EXTL3: variants seen among roughly 807,000 people sequenced by gnomAD.
The protein encoded by EXTL3 is exostosin like glycosyltransferase 3, also known as exostosin-like 3.
In EXTL3, 27 loss-of-function variants were observed where a neutral mutation model predicts 69.3. The ratio of observed to expected loss-of-function variants is 0.39; its 90% CI spans 0.29 to 0.54. The LOEUF (loss-of-function observed/expected upper bound fraction) is 0.54. Among genes scored for constraint, EXTL3 ranks in the 20% least tolerant of loss-of-function variants. EXTL3 has a pLI of 0.69. For synonymous variants in EXTL3, 511 were observed against 499.4 expected (o/e 1.02, Z -0.31); for missense variants, 1,003 against 1,231.8 (o/e 0.81, Z 2.78).
At chr8:28,702,848 C>T (rs1288048708) in intron 1 of EXTL3, among the ~76,000 whole-genome samples, 1 of 152,094 alleles carries the variant, frequency 6.6e-6, no homozygotes, top group Non-Finnish European at 1.5e-5. Flanking sequence ...TTGTGTGTTG[C>T]AGCCATGCAG....
chr8:28,710,424 G>A (rs1563212307), intron 1 of EXTL3: 5 of 455,342 alleles, frequency 1.1e-5, no homozygotes, highest in Admixed American at 4.7e-5. Context: ...TGGGCAGGAA[G>A]TGTAAAATGC....
chr8:28,713,876 G>A (rs557742788), intron 2 of EXTL3, among the ~76,000 whole-genome samples: 1 of 147,614 alleles, frequency 6.8e-6, no homozygotes, highest in African/African-American at 2.5e-5. Flanking sequence ...GCTGTTAGCT[G>A]ATTCTAATAT....
Position 28,731,278 on chromosome 8 carries a change from TTGA to T in EXTL3, c.2205_2207del (p.Ile735_Glu736delinsMet). On this transcript the variant is annotated inframe_deletion, in exon 4 of 7. Transcript: ENST00000220562. ...AACCGATTCTTACCCTGGAATGAAA[TTGA>T]GACAGAGGCCATCCTGTCCATTGAT... 1 of 1,614,224 alleles carries T rather than the reference TTGA, an allele frequency of 6.2e-7. No individual in the cohort carries two copies.
chr8:28,713,203 C>T (rs189623075), intron 1 of EXTL3, among the ~76,000 whole-genome samples: 15 of 152,268 alleles, frequency 9.9e-5, no homozygotes, highest in African/African-American at 2.4e-4. Context: ...AAATAGGTAA[C>T]GTCTGTCTGG....
chr8:28,726,613 T>A (rs1014512512), intron 3 of EXTL3, among the ~76,000 whole-genome samples: 5 of 152,158 alleles, frequency 3.3e-5, no homozygotes, highest in African/African-American at 1.2e-4. Context: ...GGGGGCTGTC[T>A]TGTGCACTAT....
chr8:28,739,497 T>A (rs1435842195), intron 5 of EXTL3, among the ~76,000 whole-genome samples: 2 of 152,000 alleles, frequency 1.3e-5, no homozygotes, highest in Non-Finnish European at 2.9e-5. Flanking sequence ...TGGCTAATTT[T>A]TTTTGGTAAT....
chr8:28,710,613 CTTTTTT>C, intron 1 of EXTL3: 16 of 272,332 alleles, frequency 5.9e-5, no homozygotes, highest in Middle Eastern at 1.2e-3. Flanking sequence ...TTCTTTCTTT[CTTTTTT>C]TTTTTTTTTT....
intron 1 of EXTL3, among the ~76,000 whole-genome samples, chr8:28,626,403 G>A (rs1211784374): frequency 1.3e-5 from 2 of 152,154 alleles, no homozygotes; most frequent in African/African-American, 4.8e-5. Context: ...ACTTAGGAGG[G>A]TAGGAGGCAG....
Position 28,752,022 on chromosome 8 carries a change from AG to A in EXTL3, c.*1157del, listed in dbSNP as rs2130808788. 1 of 152,366 alleles carries A rather than the reference AG, an allele frequency of 6.6e-6. No homozygotes were observed. The highest frequency in any genetic ancestry group is 2.1e-4 in the South Asian group (1 of 4,820). 9.4% of individuals were successfully genotyped at this position (152,366 alleles called of 1,614,324 possible). ...TCACCTTCCCCCCGCCTCTGTCTGG[AG>A]CCCCATCCTGTGTTATCTGTGGTTT... On this transcript the variant is annotated 3_prime_UTR_variant, in exon 7 of 7. Coordinates refer to ENST00000220562, the MANE Select transcript of EXTL3 (RefSeq NM_001440.4).
At chr8:28,667,281 A>G (rs7837982) in intron 1 of EXTL3, among the ~76,000 whole-genome samples, 3,415 of 152,326 alleles carry the variant, frequency 0.022, 132 homozygotes, top group African/African-American at 0.078. Flanking sequence ...AAAGTAATGC[A>G]AGGAACTTGG....
rs747900653 is a variant in EXTL3, at chr8:28,717,532, C to T, written c.1473C>T (p.Thr491=). 1.1e-4 allele frequency: 171 copies of T among 1,614,210 alleles called. 1 individual carries two copies. The South Asian group carries it at 1.2e-3, about 11-fold the overall frequency. ...TGGTGGTGCCAAAGCCTCGTGTTAC[C>T]GAGGTTCATTTCCTGCTCAGAAGCC... is the stretch of plus-strand genomic sequence containing the variant. The part of the protein sequence containing the change: ...AALVVPKPRV[T]EVHFLLRSLS... The change falls in exon 3 of 7, where the codon ACC becomes ACT. Residue 491 remains threonine, a synonymous_variant. Transcript: ENST00000220562. This position sits in a 1 kb window ranked among gnomAD's most constrained non-coding sequence, Gnocchi z 8.3.
At position 28,717,101 on chromosome 8, in the gene EXTL3, G is replaced by A. The variant is rs746425652; in HGVS notation, c.1042G>A (p.Glu348Lys). 5 of 1,614,228 alleles carry A rather than the reference G, an allele frequency of 3.1e-6. No homozygotes were observed. Among genetic ancestry groups the A allele is most frequent in the East Asian group, 2.2e-5 (1 of 44,884 alleles). Reference sequence around the variant, plus strand: ...GAAATATCTCTTCACCTTCCAGGGCGAGAAGATTGAGTCTCTGAGGTCTAG... The same window carrying A: ...GAAATATCTCTTCACCTTCCAGGGCAAGAAGATTGAGTCTCTGAGGTCTAG... ...KRKYLFTFQG[E>K]KIESLRSSLQ... The change falls in exon 3 of 7, where the codon GAG becomes AAG. Residue 348 changes from glutamate to lysine, a missense_variant. Glu to Lys is a moderately conservative substitution (Grantham distance 56). This residue lies in a region of EXTL3 where 742 missense variants were observed against 815.4 expected (regional missense o/e 0.91). Transcript: ENST00000220562. The surrounding 1 kb of genome is among the most constrained non-coding windows in gnomAD (Gnocchi z 8.3).
intron 3 of EXTL3, among the ~76,000 whole-genome samples, chr8:28,728,168 G>A (rs558053918): frequency 1.1e-4 from 17 of 152,298 alleles, no homozygotes; most frequent in Non-Finnish European, 1.9e-4. Flanking sequence ...TCATTTCCAA[G>A]GCGGACCTTA....
chr8:28,747,048 T>C (rs1442432371), intron 6 of EXTL3, among the ~76,000 whole-genome samples: 1 of 152,182 alleles, frequency 6.6e-6, no homozygotes, highest in Admixed American at 6.5e-5. Flanking sequence ...ACAACAGTTA[T>C]AAAGTCACCT....
Position 28,717,808 on chromosome 8 carries a change from C to T in EXTL3, c.1749C>T (p.Pro583=). The T allele has an allele frequency of 6.2e-7, 1 of 1,612,534 alleles. No individual in the cohort carries two copies. Among genetic ancestry groups the T allele is most frequent in the Non-Finnish European group, 8.5e-7 (1 of 1,178,716 alleles). Residue 583 remains proline, a synonymous_variant, in exon 3 of 7, where the codon CCC becomes CCT. Coordinates refer to ENST00000220562, the MANE Select transcript of EXTL3 (RefSeq NM_001440.4). The surrounding 1 kb of genome is among the most constrained non-coding windows in gnomAD (Gnocchi z 8.3). Reference sequence around the variant, plus strand: ...TGGGGCCAGTGGAGACGGAGCCGCCCTACGCCTCACCCAGATACCTCCGCA... The same window carrying T: ...TGGGGCCAGTGGAGACGGAGCCGCCTTACGCCTCACCCAGATACCTCCGCA... The part of the protein sequence containing the change: ...LDLGPVETEP[P]YASPRYLRNF...
intron 5 of EXTL3, chr8:28,740,204 G>A (rs1371534296): frequency 6.6e-6 from 1 of 152,206 alleles, no homozygotes; most frequent in African/African-American, 2.4e-5. Context: ...GCGTCATGGC[G>A]GCTGCTCCTG....
At chr8:28,609,318 G>A (rs1224687438) in intron 2 of EXTL3, among the ~76,000 whole-genome samples, 1 of 151,990 alleles carries the variant, frequency 6.6e-6, no homozygotes, top group Non-Finnish European at 1.5e-5. Flanking sequence ...TTGATATGGT[G>A]CATATTTTTA....
chr8:28,651,110 C>G (rs1169111614), intron 1 of EXTL3, among the ~76,000 whole-genome samples: 1 of 152,130 alleles, frequency 6.6e-6, no homozygotes. Context: ...TCCCAAACTG[C>G]AAAATCCAGA....
At position 28,653,881 on chromosome 8, in the gene EXTL3, C is replaced by CT. The variant is rs562999420; in HGVS notation, c.-53+31074dup. On this transcript the variant is annotated intron_variant, in intron 1 of 6. Coordinates refer to the EXTL3 transcript ENST00000523149. Reference sequence around the variant, plus strand: ...TTTGGCTATTTTGAGTCTCTTAATTCTTTATGAATTTTAGAATGGGATTTT... The same window carrying CT: ...TTTGGCTATTTTGAGTCTCTTAATTCTTTTATGAATTTTAGAATGGGATTTT... 1.5e-3 allele frequency among the ~76,000 whole-genome samples: 229 copies of CT among 152,034 alleles called. 4 individuals carry two copies. In the East Asian group the frequency reaches 0.031, roughly 20 times the overall value.
Sources: gnomAD v4.1 joint callset for allele counts (sites outside exome capture counted in the v4.1 genomes callset) on GRCh38, gnomAD v4.1.1 for gene constraint, gnomAD v4.1.1 regional missense constraint, Gnocchi (gnomAD v3.1) non-coding constraint, MANE v1.5 for transcripts, NCBI Gene and HGNC (gene_info 2026-07-23, HGNC 2026-07-21) for gene names.